ERBB4: variants seen among roughly 807,000 people sequenced by gnomAD.
ERBB4 encodes the protein erb-b2 receptor tyrosine kinase 4, also known as receptor tyrosine-protein kinase erbB-4.
A neutral mutation model predicts 158.0 loss-of-function variants in ERBB4; 42 were observed. The ratio of observed to expected loss-of-function variants is 0.27; its 90% CI spans 0.21 to 0.34. The LOEUF (loss-of-function observed/expected upper bound fraction) is 0.34, where lower values mean the gene tolerates loss of function less well. ERBB4 is among the 10% of genes least tolerant of loss of function. The pLI is 1.00. For synonymous variants in ERBB4, 583 were observed against 558.7 expected, an observed-to-expected ratio of 1.04 and a Z score of -0.61; for missense variants, 1,333 against 1,624.1, an observed-to-expected ratio of 0.82 and a Z score of 3.08.
At chr2:211,462,653 T>C (rs1326796859) in intron 20 of ERBB4, among the ~76,000 whole-genome samples, 1 of 152,180 alleles carries the variant, frequency 6.6e-6, no homozygotes, top group Admixed American at 6.6e-5. Context: ...TACTTTATAA[T>C]GGGCTGTTAC....
chr2:211,570,429 G>C (rs1259188704), intron 19 of ERBB4, among the ~76,000 whole-genome samples: 1 of 142,820 alleles, frequency 7.0e-6, no homozygotes, highest in Non-Finnish European at 1.5e-5. Context: ...GCCCCCCAAA[G>C]TGCTAGGATT....
At chr2:211,463,258 AG>A (rs2064583743) in intron 20 of ERBB4, among the ~76,000 whole-genome samples, 1 of 152,166 alleles carries the variant, frequency 6.6e-6, no homozygotes, top group Non-Finnish European at 1.5e-5. Context: ...TTTAGTTTCA[AG>A]GATTCCTGGC....
rs1055686326 is a variant in ERBB4 at position 212,061,409 on chromosome 2, TTCCACTGCAC to T, written c.234+63333_234+63342del. Among the ~76,000 whole-genome samples the T allele has an allele frequency of 1.7e-4, 23 of 133,180 alleles. 1 individual carries two copies. Among genetic ancestry groups the T allele is most frequent in the Admixed American group, 1.3e-3 (15 of 11,734 alleles). 87.4% of individuals were successfully genotyped at this position (133,180 alleles called of 152,430 possible). On this transcript the variant is annotated intron_variant, in intron 2 of 27. Transcript: ENST00000342788. ...GGGAGGTTGCAGTGAGCCGCGATGG[TTCCACTGCAC>T]TCCAGCCTGGGTGACAGAGTGAGAC...
intron 2 of ERBB4, among the ~76,000 whole-genome samples, chr2:211,978,340 A>C (rs1457521055): frequency 6.6e-6 from 1 of 151,902 alleles, no homozygotes; most frequent in Non-Finnish European, 1.5e-5. Flanking sequence ...GGGAAGGTGG[A>C]GCCAGAAAGT....
At chr2:212,143,772 C>A (rs58176578) in intron 1 of ERBB4, among the ~76,000 whole-genome samples, 1 of 151,974 alleles carries the variant, frequency 6.6e-6, no homozygotes, top group Non-Finnish European at 1.5e-5. Context: ...AATCCCAGCA[C>A]TTTGAGAGGC....
intron 3 of ERBB4, among the ~76,000 whole-genome samples, chr2:211,918,254 T>A (rs1372276420): frequency 6.6e-6 from 1 of 152,200 alleles, no homozygotes; most frequent in Non-Finnish European, 1.5e-5. Context: ...TTTACAGAAC[T>A]GAAAGTATTA....
At chr2:211,800,061 C>G (rs1457272893) in intron 3 of ERBB4, among the ~76,000 whole-genome samples, 1 of 152,120 alleles carries the variant, frequency 6.6e-6, no homozygotes, top group African/African-American at 2.4e-5. Flanking sequence ...ATAGAACTTT[C>G]CTTTTTAAGG....
chr2:211,832,065 C>CA (rs1269024785), intron 3 of ERBB4, among the ~76,000 whole-genome samples: 2 of 152,164 alleles, frequency 1.3e-5, no homozygotes, highest in African/African-American at 4.8e-5. Flanking sequence ...AGAACATCTT[C>CA]AGCTGTCTGT....
At chr2:211,489,653 A>G (rs1404409390) in intron 20 of ERBB4, among the ~76,000 whole-genome samples, 1 of 151,988 alleles carries the variant, frequency 6.6e-6, no homozygotes, top group African/African-American at 2.4e-5. Flanking sequence ...CTCATTACTC[A>G]TAAAATTAAA....
intron 23 of ERBB4, among the ~76,000 whole-genome samples, chr2:211,422,778 G>A (rs192592666): frequency 6.6e-6 from 1 of 151,930 alleles, no homozygotes; most frequent in African/African-American, 2.4e-5. Context: ...TTCTCCATTA[G>A]GGAAAGTGTT....
chr2:212,515,672 T>G (rs894494776), intron 1 of ERBB4, among the ~76,000 whole-genome samples: 101 of 152,128 alleles, frequency 6.6e-4, no homozygotes, highest in African/African-American at 2.2e-3. Context: ...CATTGATATT[T>G]GTATTCACCT....
intron 20 of ERBB4, among the ~76,000 whole-genome samples, chr2:211,540,406 G>T (rs1230687582): frequency 2.0e-5 from 3 of 151,876 alleles, no homozygotes; most frequent in African/African-American, 7.2e-5. Context: ...CTAAATAGAT[G>T]TTTTAAGTTC....
chr2:212,261,418 T>C (rs2084940373), intron 1 of ERBB4, among the ~76,000 whole-genome samples: 1 of 152,118 alleles, frequency 6.6e-6, no homozygotes, highest in Admixed American at 6.6e-5. Flanking sequence ...TTAACAACTG[T>C]GTCACCTCTG....
At chr2:211,687,846 A>G (rs774486935) in intron 12 of ERBB4, among the ~76,000 whole-genome samples, 1 of 152,192 alleles carries the variant, frequency 6.6e-6, no homozygotes, top group Non-Finnish European at 1.5e-5. Context: ...GAGTTGTCTT[A>G]TAATGTCCAG....
At chr2:212,291,622 T>C (rs1042237348) in intron 1 of ERBB4, among the ~76,000 whole-genome samples, 2 of 152,080 alleles carry the variant, frequency 1.3e-5, no homozygotes, top group African/African-American at 4.8e-5. Context: ...ATTAATTAGA[T>C]GTCATCTGTA....
chr2:211,606,588 A>G (rs1444196435), intron 19 of ERBB4, among the ~76,000 whole-genome samples: 3 of 152,106 alleles, frequency 2.0e-5, no homozygotes, highest in Non-Finnish European at 4.4e-5. Context: ...TATGGTCACT[A>G]TATGTGAGAT....
intron 4 of ERBB4, among the ~76,000 whole-genome samples, chr2:211,762,535 G>A (rs1363846254): frequency 1.3e-5 from 2 of 152,166 alleles, no homozygotes; most frequent in Admixed American, 6.5e-5. Flanking sequence ...CATGGATGGA[G>A]CAATGGTGGA....
chr2:211,465,794 G>C (rs931689733), intron 20 of ERBB4, among the ~76,000 whole-genome samples: 5 of 152,122 alleles, frequency 3.3e-5, no homozygotes, highest in Admixed American at 1.3e-4. Flanking sequence ...GTAACTTACA[G>C]TAGTTACCTC....
intron 20 of ERBB4, among the ~76,000 whole-genome samples, chr2:211,447,345 C>T (rs2125467793): frequency 6.6e-6 from 1 of 152,026 alleles, no homozygotes; most frequent in South Asian, 2.1e-4. Context: ...AGCAAGCATC[C>T]CCAGCCTGTC....
Sources: allele counts gnomAD v4.1 joint callset (sites outside exome capture counted in the v4.1 genomes callset), GRCh38; gene constraint gnomAD v4.1.1; transcripts MANE v1.5; gene names NCBI Gene and HGNC (gene_info 2026-07-23, HGNC 2026-07-21).